SCHIP1: variants seen among roughly 807,000 people sequenced by gnomAD.
SCHIP1 encodes schwannomin interacting protein 1.
In SCHIP1, 8 loss-of-function variants were observed where a neutral mutation model predicts 29.7. That is an observed-to-expected ratio of 0.27 (90% CI 0.16 to 0.49). The LOEUF is 0.49. SCHIP1 is among the 20% of genes least tolerant of loss of function. SCHIP1 has a pLI of 0.99. For missense variants in SCHIP1, 193 were observed against 294.6 expected, an observed-to-expected ratio of 0.66 and a Z score of 2.52; for synonymous variants, 76 against 94.9, an observed-to-expected ratio of 0.80 and a Z score of 1.16.
At chr3:159,865,602 A>G (rs1438898775) in intron 1 of SCHIP1, among the ~76,000 whole-genome samples, 1 of 152,192 alleles carries the variant, frequency 6.6e-6, no homozygotes, top group Non-Finnish European at 1.5e-5. Context: ...ACAGTCCCCA[A>G]CAAGACTGTA....
At chr3:159,587,997 C>T in the SCHIP1 span, among the ~76,000 whole-genome samples, 1 of 152,144 alleles carries the variant, frequency 6.6e-6, no homozygotes, top group African/African-American at 2.4e-5. Context: ...AATTGGATGG[C>T]TGGGTCAAAT....
At chr3:159,734,787 C>CTTTT in the SCHIP1 span, among the ~76,000 whole-genome samples, 62 of 110,474 alleles carry the variant, frequency 5.6e-4, no homozygotes, top group African/African-American at 9.5e-4. Context: ...CTTTTCTTGT[C>CTTTT]TTTTTTTTTT....
At chr3:159,817,810 G>C in the SCHIP1 span, among the ~76,000 whole-genome samples, 1 of 152,170 alleles carries the variant, frequency 6.6e-6, no homozygotes, top group African/African-American at 2.4e-5. Context: ...GCCAGTCACA[G>C]GCTCTAAGTC....
chr3:159,427,863 C>G, the SCHIP1 span, among the ~76,000 whole-genome samples: 1 of 151,978 alleles, frequency 6.6e-6, no homozygotes, highest in Non-Finnish European at 1.5e-5. Context: ...ATCAATGGAA[C>G]AGAACAGAGC....
exon 1 of SCHIP1, chr3:159,840,009 G>C: frequency 7.0e-7 from 1 of 1,435,918 alleles, no homozygotes; most frequent in Admixed American, 2.8e-5. Context: ...CGCGCTTCCC[G>C]GCACAGGCAG....
the SCHIP1 span, among the ~76,000 whole-genome samples, chr3:159,626,289 T>C: frequency 2.1e-5 from 3 of 146,158 alleles, no homozygotes; most frequent in African/African-American, 7.9e-5. Flanking sequence ...GATAGATAGA[T>C]AGATAGATAG....
At chr3:159,622,434 T>A in the SCHIP1 span, among the ~76,000 whole-genome samples, 1 of 152,208 alleles carries the variant, frequency 6.6e-6, no homozygotes, top group African/African-American at 2.4e-5. Flanking sequence ...TGATGAATTT[T>A]CCCAGAAGCT....
At chr3:159,410,050 G>C in the SCHIP1 span, among the ~76,000 whole-genome samples, 1 of 152,026 alleles carries the variant, frequency 6.6e-6, no homozygotes, top group Non-Finnish European at 1.5e-5. Context: ...AATAAATGGT[G>C]CTGGGAAAAA....
chr3:159,713,225 A>AGAGAGAAAGG, the SCHIP1 span, among the ~76,000 whole-genome samples: 34 of 117,350 alleles, frequency 2.9e-4, no homozygotes, highest in African/African-American at 1.2e-3. Context: ...AGAGAGAGAG[A>AGAGAGAAAGG]AAGAAAGGAA....
the SCHIP1 span, among the ~76,000 whole-genome samples, chr3:159,681,532 T>A: frequency 6.6e-6 from 1 of 152,226 alleles, no homozygotes; most frequent in African/African-American, 2.4e-5. Flanking sequence ...TAAAAGTTTG[T>A]ATCCTTAAGG....
the SCHIP1 span, among the ~76,000 whole-genome samples, chr3:159,537,061 T>C: frequency 1.4e-4 from 21 of 152,300 alleles, no homozygotes; most frequent in Non-Finnish European, 2.4e-4. Flanking sequence ...AGACAGCCAG[T>C]TGTTAAACAT....
the SCHIP1 span, among the ~76,000 whole-genome samples, chr3:159,829,629 G>C: frequency 6.6e-6 from 1 of 152,178 alleles, no homozygotes; most frequent in East Asian, 1.9e-4. Context: ...AGGTGAAGTA[G>C]TCTTTCACAG....
At chr3:159,508,532 C>T in the SCHIP1 span, among the ~76,000 whole-genome samples, 2 of 152,084 alleles carry the variant, frequency 1.3e-5, no homozygotes, top group African/African-American at 4.8e-5. Flanking sequence ...TTTGCTCTTG[C>T]TTCTCTAGTT....
chr3:159,383,595 T>A, the SCHIP1 span, among the ~76,000 whole-genome samples: 1 of 145,114 alleles, frequency 6.9e-6, no homozygotes, highest in Non-Finnish European at 1.5e-5. Flanking sequence ...ATGCGGGCTC[T>A]TTTTTGGTTC....
the SCHIP1 span, among the ~76,000 whole-genome samples, chr3:159,665,971 T>C: frequency 7.9e-5 from 12 of 152,178 alleles, no homozygotes; most frequent in Non-Finnish European, 1.5e-4. Flanking sequence ...TCCATGCTAC[T>C]CTGCAGAGGG....
chr3:159,414,620 T>C, the SCHIP1 span, among the ~76,000 whole-genome samples: 17 of 152,286 alleles, frequency 1.1e-4, no homozygotes, highest in East Asian at 2.9e-3. Flanking sequence ...TGCATAAATA[T>C]GCAGCACCAT....
the SCHIP1 span, among the ~76,000 whole-genome samples, chr3:159,637,104 G>C: frequency 9.6e-3 from 1,461 of 152,272 alleles, 24 homozygotes; most frequent in African/African-American, 0.033. Flanking sequence ...ATCATTTGAA[G>C]TAAATAGCAA....
the SCHIP1 span, among the ~76,000 whole-genome samples, chr3:159,307,287 CT>C: frequency 6.6e-6 from 1 of 152,154 alleles, no homozygotes; most frequent in East Asian, 1.9e-4. Flanking sequence ...GATCTTTTAC[CT>C]TGTCATGCCA....
At chr3:159,646,544 C>G in the SCHIP1 span, among the ~76,000 whole-genome samples, 9 of 152,276 alleles carry the variant, frequency 5.9e-5, no homozygotes, top group South Asian at 6.2e-4. Flanking sequence ...TCTGCCTACT[C>G]TTGCTCCCTC....
Sources: allele counts gnomAD v4.1 joint callset (sites outside exome capture counted in the v4.1 genomes callset), GRCh38; gene constraint gnomAD v4.1.1; transcripts MANE v1.5; gene names NCBI Gene and HGNC (gene_info 2026-07-23, HGNC 2026-07-21).